Variants in NCKAP5 observed in about 807,000 individuals in gnomAD.
NCKAP5 encodes nck-associated protein 5.
In NCKAP5, 92 loss-of-function variants were observed where a neutral mutation model predicts 167.0. The observed-to-expected ratio is 0.55, with a 90% CI of 0.47 to 0.66. NCKAP5 has a LOEUF of 0.66. Ranked by LOEUF, NCKAP5 falls within the 30% of genes least tolerant of loss-of-function variation. The pLI is 0.00. For synonymous variants in NCKAP5, 891 were observed against 877.4 expected, an observed-to-expected ratio of 1.02 and a Z score of -0.27; for missense variants, 2,378 against 2,315.0, an observed-to-expected ratio of 1.03 and a Z score of -0.56.
In NCKAP5 at chr2:133,517,444, T is replaced by C. The variant is rs1390242298; in HGVS notation, c.69+14A>G. On this transcript the variant is annotated intron_variant, in intron 3 of 19. Transcript: ENST00000409261. Reference sequence around the variant, plus strand: ...CAAAACATATAGAGTGGTAAATGAATATTTAGTACTTACCACAAGACTGCT... The same window carrying C: ...CAAAACATATAGAGTGGTAAATGAACATTTAGTACTTACCACAAGACTGCT... 6.4e-6 allele frequency: 9 copies of C among 1,408,346 alleles called. No homozygotes were observed. The highest frequency in any genetic ancestry group is 8.5e-6 in the Non-Finnish European group (9 of 1,059,020). The allele number at this position is 1,408,346 out of a possible 1,614,324, so 87.2% of individuals were successfully genotyped here.
intron 11 of NCKAP5, among the ~76,000 whole-genome samples, chr2:132,827,862 A>G (rs1421132335): frequency 6.6e-6 from 1 of 152,134 alleles, no homozygotes; most frequent in Non-Finnish European, 1.5e-5. Context: ...CTGAGATTTA[A>G]TGGAGCTGCC....
chr2:132,942,803 C>T (rs950500236), intron 8 of NCKAP5, among the ~76,000 whole-genome samples: 1 of 152,186 alleles, frequency 6.6e-6, no homozygotes, highest in African/African-American at 2.4e-5. Context: ...GCAAAGTTCA[C>T]CAGGCCAAAG....
At chr2:132,685,994 T>C (rs1250549697) in intron 19 of NCKAP5, among the ~76,000 whole-genome samples, 2 of 151,114 alleles carry the variant, frequency 1.3e-5, no homozygotes, top group Admixed American at 1.3e-4. Context: ...GGTGGGAGAG[T>C]CAGGAGGTGA....
At chr2:133,634,125 A>T in the NCKAP5 span, among the ~76,000 whole-genome samples, 1 of 152,216 alleles carries the variant, frequency 6.6e-6, no homozygotes, top group Admixed American at 6.5e-5. Flanking sequence ...TTCATACGTG[A>T]AGTAATGGAA....
chr2:133,001,549 G>C (rs953610413), intron 6 of NCKAP5, among the ~76,000 whole-genome samples: 4 of 152,088 alleles, frequency 2.6e-5, no homozygotes, highest in Non-Finnish European at 5.9e-5. Flanking sequence ...TGCATACATT[G>C]AGGTTCCATG....
chr2:133,536,912 A>G (rs1685807842), intron 2 of NCKAP5, among the ~76,000 whole-genome samples: 1 of 151,930 alleles, frequency 6.6e-6, no homozygotes, highest in Non-Finnish European at 1.5e-5. Flanking sequence ...TACTTCTATT[A>G]TGGAAGTTTT....
chr2:132,712,317 G>A (rs1360873312), intron 19 of NCKAP5, among the ~76,000 whole-genome samples: 3 of 152,108 alleles, frequency 2.0e-5, no homozygotes, highest in African/African-American at 7.2e-5. Flanking sequence ...GCCCCCTTCA[G>A]GAAGATACTT....
chr2:133,235,819 A>G (rs2087381879), intron 4 of NCKAP5, among the ~76,000 whole-genome samples: 1 of 151,252 alleles, frequency 6.6e-6, no homozygotes, highest in South Asian at 2.1e-4. Context: ...CAGGAGAATC[A>G]CTTGGACCCG....
At position 132,785,712 on chromosome 2, in the gene NCKAP5, A is replaced by C; in HGVS notation, c.1099T>G (p.Ser367Ala). 1 of 1,487,892 alleles carries C rather than the reference A, an allele frequency of 6.7e-7. No homozygotes were observed. Among genetic ancestry groups the C allele is most frequent in the South Asian group, 1.5e-5 (1 of 68,072 alleles). 92.2% of individuals were successfully genotyped at this position (1,487,892 alleles called of 1,614,324 possible). A position where few individuals can be genotyped will look rare whatever the true frequency, so the allele number is the denominator to read the frequency against. The change falls in exon 14 of 20, where the codon TCA (serine) becomes GCA (alanine). Residue 367 changes from serine to alanine, a missense_variant. Transcript: ENST00000409261. ...CTTAGCCTTTTATCCCAGTTTTGTG[A>C]TGATTGCTAGGAAAGAAAAGTAGAC... ...DGKNLRKRQS[S>A]QNWDKRLSID...
chr2:133,339,859 T>G (rs1175571109), intron 3 of NCKAP5, among the ~76,000 whole-genome samples: 1 of 152,234 alleles, frequency 6.6e-6, no homozygotes, highest in Non-Finnish European at 1.5e-5. Context: ...GCCATACATT[T>G]TATGGAAAAC....
intron 5 of NCKAP5, among the ~76,000 whole-genome samples, chr2:133,137,403 G>GTT (rs774699289): frequency 1.7e-5 from 2 of 117,210 alleles, no homozygotes; most frequent in African/African-American, 3.6e-5. Flanking sequence ...GCAGAGCTTG[G>GTT]TTTTGTGTGT....
rs749353585 is a variant in NCKAP5 at position 133,303,074 on chromosome 2, G to A, written c.106C>T (p.Leu36=). ...MDSNKYIEHL[L]TQLEEQHRSL... is the part of the protein sequence containing the mutation. ...CTGTGTTGCTCCTCAAGCTGAGTCA[G>A]CAGATGCTCAATGTATTTATTGGAG... Residue 36 remains leucine (L), a synonymous_variant, in exon 4 of 20, where the codon CTG becomes TTG. Coordinates refer to ENST00000409261, the MANE Select transcript of NCKAP5 (RefSeq NM_207363.3). 1.1e-5 allele frequency: 18 copies of A among 1,598,384 alleles called. No individual in the cohort carries two copies. Among genetic ancestry groups the A allele is most frequent in the Admixed American group, 1.7e-5 (1 of 57,964 alleles).
rs531209420 is a variant in NCKAP5 at position 132,722,245 on chromosome 2, T to A, written c.5713+3382A>T. Among the ~76,000 whole-genome samples the A allele has an allele frequency of 3.9e-5, 6 of 152,276 alleles. No homozygotes were observed. The East Asian group carries it at 9.7e-4, about 25-fold the overall frequency. On this transcript the variant is annotated intron_variant, in intron 19 of 19. Transcript: ENST00000409261. ...GTGGAGTCAGTGAATTTGTTTTAAA[T>A]CTTGTCTCCTTTTTCAGGACACTTA...
chr2:133,597,274 ACTGAATCAGAGAC>A, the NCKAP5 span, among the ~76,000 whole-genome samples: 2 of 152,168 alleles, frequency 1.3e-5, no homozygotes, highest in Non-Finnish European at 2.9e-5. Context: ...CCCCAGACCT[ACTGAATCAGAGAC>A]TCTGGGGATG....
At chr2:133,614,448 G>A in the NCKAP5 span, among the ~76,000 whole-genome samples, 1 of 152,050 alleles carries the variant, frequency 6.6e-6, no homozygotes, top group Non-Finnish European at 1.5e-5. Flanking sequence ...ACAGAGAAGT[G>A]CTTAAAGGAG....
Position 133,359,989 on chromosome 2 carries a change from T to C in NCKAP5, c.70-56879A>G, listed in dbSNP as rs1466508624. ...GGCAATTCAGACTAAAGACTGTGAT[T>C]GAACAACAGAAGGTAAATATCACAC... On this transcript the variant is annotated intron_variant, in intron 3 of 19. Transcript: ENST00000409261. Among the ~76,000 whole-genome samples the C allele has an allele frequency of 3.3e-5, 5 of 152,328 alleles. No individual in the cohort carries two copies. In the East Asian group the frequency reaches 7.7e-4, roughly 24 times the overall value.
chr2:133,467,507 G>C (rs1692693062), intron 3 of NCKAP5, among the ~76,000 whole-genome samples: 1 of 151,130 alleles, frequency 6.6e-6, no homozygotes, highest in South Asian at 2.1e-4. Context: ...TTTGGTATCA[G>C]AATGATGCTG....
At chr2:133,133,238 G>A (rs907025608) in intron 5 of NCKAP5, among the ~76,000 whole-genome samples, 1 of 152,144 alleles carries the variant, frequency 6.6e-6, no homozygotes, top group Non-Finnish European at 1.5e-5. Context: ...CTGGGAATCT[G>A]GGTTACAAAT....
intron 7 of NCKAP5, among the ~76,000 whole-genome samples, chr2:132,970,592 AT>A (rs2076802034): frequency 1.3e-5 from 2 of 152,188 alleles, no homozygotes. Flanking sequence ...AAAGCTAAAG[AT>A]TTAGGAGCTC....
Sources: allele counts gnomAD v4.1 joint callset (sites outside exome capture counted in the v4.1 genomes callset), GRCh38; gene constraint gnomAD v4.1.1; transcripts MANE v1.5; gene names NCBI Gene and HGNC (gene_info 2026-07-23, HGNC 2026-07-21).